The following IL21R variants were observed in gnomAD, a reference collection of about 807,000 sequenced individuals.
IL21R encodes interleukin 21 receptor, also known as interleukin-21 receptor.
Under a neutral mutation model 41.3 loss-of-function variants are expected in IL21R, and 14 were observed. That is an observed-to-expected ratio of 0.34 (90% CI 0.22 to 0.53). The LOEUF (loss-of-function observed/expected upper bound fraction) is 0.53, where lower values mean the gene tolerates loss of function less well. Among genes scored for constraint, IL21R ranks in the 20% least tolerant of loss-of-function variants. The pLI is 0.94. For missense variants in IL21R, 588 were observed against 681.6 expected (o/e 0.86, Z 1.53); for synonymous variants, 286 against 287.6 (o/e 0.99, Z 0.05).
At position 27,451,381 on chromosome 16, in the gene IL21R, C is replaced by CT. The variant is rs1266511900; in HGVS notation, c.*2101dup. The CT allele has an allele frequency of 4.4e-6, 1 of 224,838 alleles. No homozygotes were observed. Among genetic ancestry groups the CT allele is most frequent in the East Asian group, 6.4e-5 (1 of 15,712 alleles). 13.9% of individuals were successfully genotyped at this position (224,838 alleles called of 1,614,324 possible). ...CAGATGAGGCTCCTCAGAATCCCAC[C>CT]TTTGAAGGGAACTCAGCTTATAAAC... On this transcript the variant is annotated 3_prime_UTR_variant, in exon 9 of 9. Transcript: ENST00000337929.
chr16:27,436,028 C>T (rs62032075), intron 3 of IL21R, among the ~76,000 whole-genome samples: 2 of 152,312 alleles, frequency 1.3e-5, no homozygotes, highest in South Asian at 2.1e-4. Flanking sequence ...CCACTGTACC[C>T]GCCTTTCAGA....
At chr16:27,417,825 CA>C (rs1400796513) in intron 1 of IL21R, among the ~76,000 whole-genome samples, 2 of 152,014 alleles carry the variant, frequency 1.3e-5, no homozygotes, top group Admixed American at 6.5e-5. Flanking sequence ...ACCATGAATG[CA>C]GTTTGCAGGA....
Position 27,430,061 on chromosome 16 carries a change from TG to T in IL21R, c.-8del. 6.2e-7 allele frequency: 1 copy of T among 1,606,462 alleles called. No individual in the cohort carries two copies. ...CCACTGTACGTCTCTTGCAGGCCCGTGGGAGTCAGCATGCCGCGTGGCTGGG... is the reference window on the plus strand; with the variant it reads ...CCACTGTACGTCTCTTGCAGGCCCGTGGAGTCAGCATGCCGCGTGGCTGGG... On this transcript the variant is annotated 5_prime_UTR_variant, in exon 2 of 9. Coordinates refer to ENST00000337929, the MANE Select transcript of IL21R (RefSeq NM_181078.3).
chr16:27,403,056 A>AG, intron 1 of IL21R: 1 of 478,488 alleles, frequency 2.1e-6, no homozygotes, highest in Non-Finnish European at 4.1e-6. Context: ...ATTCAAAACA[A>AG]TGGCTGGTGT....
At chr16:27,419,456 C>T (rs934054787) in intron 1 of IL21R, among the ~76,000 whole-genome samples, 1 of 152,218 alleles carries the variant, frequency 6.6e-6, no homozygotes, top group African/African-American at 2.4e-5. Context: ...TTTTAAGAGT[C>T]TTGCTCTGTC....
intron 1 of IL21R, among the ~76,000 whole-genome samples, chr16:27,404,530 G>A (rs1464463844): frequency 6.6e-6 from 1 of 152,186 alleles, no homozygotes; most frequent in African/African-American, 2.4e-5. Context: ...GGACAACCCA[G>A]GTGCCTGATA....
chr16:27,415,941 T>G (rs2086889707), intron 1 of IL21R, among the ~76,000 whole-genome samples: 1 of 152,230 alleles, frequency 6.6e-6, no homozygotes, highest in Non-Finnish European at 1.5e-5. Flanking sequence ...ATTGTTATCT[T>G]TAATTCCATG....
chr16:27,443,147 T>A (rs1479745451), intron 5 of IL21R, 31 bp downstream of exon 5: 2 of 1,566,616 alleles, frequency 1.3e-6, no homozygotes, highest in Non-Finnish European at 1.7e-6. Flanking sequence ...TGCAGCTTTG[T>A]GGGAGGGGAG....
rs117797353 is a variant in IL21R at position 27,436,230 on chromosome 16, A to G, written c.153-1258A>G. Among the ~76,000 whole-genome samples, 438 of 152,366 alleles carry G rather than the reference A, an allele frequency of 2.9e-3. 2 individuals are homozygous for G. Among genetic ancestry groups the G allele is most frequent in the South Asian group, 0.012 (57 of 4,828 alleles). On this transcript the variant is annotated intron_variant, in intron 3 of 8. Coordinates refer to ENST00000337929, the MANE Select transcript of IL21R (RefSeq NM_181078.3). Reference sequence around the variant, plus strand: ...GCATAAGCCACCGTGTTCTGCCCCAAACAGGATACTTTCTAATAATACTGG... The same window carrying G: ...GCATAAGCCACCGTGTTCTGCCCCAGACAGGATACTTTCTAATAATACTGG...
At chr16:27,414,271 A>C (rs2086864571) in intron 1 of IL21R, among the ~76,000 whole-genome samples, 1 of 151,820 alleles carries the variant, frequency 6.6e-6, no homozygotes, top group Admixed American at 6.6e-5. Context: ...GTTGCAATTT[A>C]TTAAATGTGC....
At chr16:27,424,545 G>C (rs990515071) in intron 1 of IL21R, among the ~76,000 whole-genome samples, 5 of 151,436 alleles carry the variant, frequency 3.3e-5, no homozygotes, top group African/African-American at 1.2e-4. Context: ...GCACCTACAG[G>C]ACTTCAAATT....
chr16:27,410,332 C>CAA (rs55702735), intron 1 of IL21R, among the ~76,000 whole-genome samples: 3 of 103,530 alleles, frequency 2.9e-5, no homozygotes, highest in Admixed American at 1.0e-4. Context: ...GACTCCATCT[C>CAA]AAAAAAAAAA....
intron 2 of IL21R, among the ~76,000 whole-genome samples, chr16:27,433,398 G>A (rs775086462): frequency 6.6e-6 from 1 of 152,110 alleles, no homozygotes; most frequent in African/African-American, 2.4e-5. Flanking sequence ...CCCAGGAGGT[G>A]GAGGCTGCAG....
chr16:27,403,402 C>A (rs192912652), intron 1 of IL21R, among the ~76,000 whole-genome samples: 2 of 152,106 alleles, frequency 1.3e-5, no homozygotes, highest in Admixed American at 6.6e-5. Flanking sequence ...AGACCAGGTG[C>A]GGGACATTCA....
chr16:27,440,091 T>C (rs1167910288), intron 4 of IL21R, among the ~76,000 whole-genome samples: 1 of 151,916 alleles, frequency 6.6e-6, no homozygotes, highest in Non-Finnish European at 1.5e-5. Flanking sequence ...GTGTTCACCA[T>C]GGCATTCTGT....
intron 4 of IL21R, among the ~76,000 whole-genome samples, chr16:27,442,456 C>A (rs1357206290): frequency 6.6e-6 from 1 of 152,156 alleles, no homozygotes; most frequent in African/African-American, 2.4e-5. Flanking sequence ...CTCTGCCTCC[C>A]GGGTTCACGC....
At chr16:27,423,699 A>G (rs2087032263) in intron 1 of IL21R, among the ~76,000 whole-genome samples, 3 of 152,208 alleles carry the variant, frequency 2.0e-5, no homozygotes, top group African/African-American at 7.2e-5. Flanking sequence ...GTGTGGCTGT[A>G]AATGATTCAT....
intron 1 of IL21R, among the ~76,000 whole-genome samples, chr16:27,418,573 T>C (rs1317316424): frequency 6.6e-6 from 1 of 152,092 alleles, no homozygotes; most frequent in East Asian, 1.9e-4. Flanking sequence ...GGTTTCACCA[T>C]GTTAGCCAGG....
intron 1 of IL21R, among the ~76,000 whole-genome samples, chr16:27,414,766 T>C (rs925639646): frequency 6.6e-6 from 1 of 152,210 alleles, no homozygotes; most frequent in Non-Finnish European, 1.5e-5. Flanking sequence ...TGCATACTTA[T>C]TATTATTAGG....
Sources: gnomAD v4.1 joint callset for allele counts (sites outside exome capture counted in the v4.1 genomes callset) on GRCh38, gnomAD v4.1.1 for gene constraint, MANE v1.5 for transcripts, NCBI Gene and HGNC (gene_info 2026-07-23, HGNC 2026-07-21) for gene names.